Variants in SPTLC3 observed in about 807,000 individuals in gnomAD.
SPTLC3 encodes serine palmitoyltransferase 3.
In SPTLC3, 36 loss-of-function variants were observed where a neutral mutation model predicts 59.3. The observed-to-expected ratio is 0.61, with a 90% CI of 0.47 to 0.80. The LOEUF (loss-of-function observed/expected upper bound fraction) is 0.80, where lower values mean the gene tolerates loss of function less well. SPTLC3 is among the 30% of genes least tolerant of loss of function. SPTLC3 has a pLI of 0.00. For synonymous variants in SPTLC3, 257 were observed against 240.8 expected, an observed-to-expected ratio of 1.07 and a Z score of -0.62; for missense variants, 625 against 685.1, an observed-to-expected ratio of 0.91 and a Z score of 0.98.
At chr20:13,110,482 G>C (rs1332036617) in intron 7 of SPTLC3, among the ~76,000 whole-genome samples, 1 of 152,280 alleles carries the variant, frequency 6.6e-6, no homozygotes, top group African/African-American at 2.4e-5. Context: ...TTGCTAACTT[G>C]AGTTGATCTT....
chr20:13,045,819 G>A (rs996711356), intron 1 of SPTLC3, among the ~76,000 whole-genome samples: 14 of 152,042 alleles, frequency 9.2e-5, no homozygotes, highest in African/African-American at 3.4e-4. Flanking sequence ...CATCTAGGTA[G>A]ACCATCTGTG....
intron 11 of SPTLC3, chr20:13,164,534 A>T: frequency 1.7e-6 from 1 of 579,020 alleles, no homozygotes; most frequent in Admixed American, 2.9e-5. Context: ...CATTCATAGT[A>T]TGGAGTTAGA....
At chr20:13,153,833 G>T (rs560972091) in intron 9 of SPTLC3, among the ~76,000 whole-genome samples, 170 bp from the exon 10 acceptor site, 19 of 152,184 alleles carry the variant, frequency 1.2e-4, no homozygotes, top group Non-Finnish European at 2.5e-4. Flanking sequence ...TAGTACCTGG[G>T]CATCAGTGCC....
chr20:13,060,089 C>G (rs187827751), intron 2 of SPTLC3, among the ~76,000 whole-genome samples: 1 of 152,076 alleles, frequency 6.6e-6, no homozygotes, highest in East Asian at 1.9e-4. Context: ...CTATCAACTA[C>G]AGAAAAAAAA....
chr20:13,154,382 A>T (rs57093302), intron 10 of SPTLC3, among the ~76,000 whole-genome samples: 3,107 of 152,208 alleles, frequency 0.02, 92 homozygotes, highest in African/African-American at 0.071. Flanking sequence ...GAATTTAGGG[A>T]AATCACTTAT....
At chr20:13,089,938 CA>C (rs1430272406) in intron 4 of SPTLC3, among the ~76,000 whole-genome samples, 1 of 151,980 alleles carries the variant, frequency 6.6e-6, no homozygotes, top group African/African-American at 2.4e-5. Flanking sequence ...GTAATGCTAT[CA>C]AAAAATAAAT....
chr20:13,146,480 C>G (rs2038513174), intron 9 of SPTLC3, among the ~76,000 whole-genome samples: 2 of 152,286 alleles, frequency 1.3e-5, no homozygotes, highest in South Asian at 4.1e-4. Context: ...AGGCCCTCAG[C>G]TTCCCATATT....
At position 13,033,211 on chromosome 20, in the gene SPTLC3, A is replaced by G. The variant is rs940046721; in HGVS notation, c.118-15734A>G. ...AAGGTTAGAAAGGAAAGAATTTAAC[A>G]ATATTCTGATAGTATGTGTGTATTA... is the stretch of plus-strand genomic sequence containing the variant. On this transcript the variant is annotated intron_variant, in intron 1 of 11. Transcript: ENST00000399002. Among the ~76,000 whole-genome samples, 47 of 152,310 alleles carry G rather than the reference A, an allele frequency of 3.1e-4. 1 individual carries two copies. Among genetic ancestry groups the G allele is most frequent in the Admixed American group, 2.7e-3 (41 of 15,284 alleles).
chr20:13,085,614 G>T (rs1300408585), intron 4 of SPTLC3, among the ~76,000 whole-genome samples: 3 of 152,070 alleles, frequency 2.0e-5, no homozygotes, highest in Non-Finnish European at 4.4e-5. Flanking sequence ...TACAAAAGAA[G>T]AATTGGTAGT....
At chr20:13,050,027 C>T (rs959483545) in intron 2 of SPTLC3, 1 of 152,168 alleles carries the variant, frequency 6.6e-6, no homozygotes, top group Non-Finnish European at 1.5e-5. Flanking sequence ...AAACAAGGCT[C>T]TTCAACACCC....
chr20:13,111,613 C>T (rs953209127), intron 7 of SPTLC3, among the ~76,000 whole-genome samples: 2 of 152,180 alleles, frequency 1.3e-5, no homozygotes, highest in African/African-American at 4.8e-5. Flanking sequence ...CTGTCATAAC[C>T]TCAAGCATGG....
chr20:13,016,355 C>T (rs1376726804), intron 1 of SPTLC3, among the ~76,000 whole-genome samples: 1 of 152,088 alleles, frequency 6.6e-6, no homozygotes, highest in Non-Finnish European at 1.5e-5. Context: ...AATAGTAAAG[C>T]TAATAAATCA....
chr20:13,114,519 CA>C (rs1990425596), intron 7 of SPTLC3, among the ~76,000 whole-genome samples: 1 of 152,162 alleles, frequency 6.6e-6, no homozygotes, highest in Non-Finnish European at 1.5e-5. Context: ...AAAACAAATA[CA>C]TATATAAACA....
intron 6 of SPTLC3, among the ~76,000 whole-genome samples, chr20:13,105,460 C>A (rs1211484388): frequency 1.3e-5 from 2 of 152,138 alleles, no homozygotes; most frequent in Non-Finnish European, 2.9e-5. Flanking sequence ...CACAGCGCGG[C>A]CACCGAAAGT....
At position 13,090,944 on chromosome 20, in the gene SPTLC3, A is replaced by G. The variant is rs902411668; in HGVS notation, c.608-139A>G. The G allele has an allele frequency of 6.8e-6, 8 of 1,177,550 alleles. No homozygotes were observed. In the African/African-American group the frequency reaches 1.2e-4, roughly 18 times the overall value. 72.9% of individuals were successfully genotyped at this position (1,177,550 alleles called of 1,614,324 possible). A position where few individuals can be genotyped will look rare whatever the true frequency, so the allele number is the denominator to read the frequency against. ...AGTTGAATATTTGGGCTGTTTCTAG[A>G]TTAGGGCAATGGCAAATCTTCCTGC... On this transcript the variant is annotated intron_variant, in intron 4 of 11. Transcript: ENST00000399002.
chr20:13,026,472 A>G (rs1018013779), intron 1 of SPTLC3, among the ~76,000 whole-genome samples: 2 of 152,082 alleles, frequency 1.3e-5, no homozygotes, highest in Non-Finnish European at 2.9e-5. Flanking sequence ...CATTTCTCTA[A>G]TCAGTGATAT....
intron 1 of SPTLC3, among the ~76,000 whole-genome samples, chr20:13,032,333 T>A (rs1472294995): frequency 6.6e-6 from 1 of 152,048 alleles, no homozygotes; most frequent in East Asian, 1.9e-4. Context: ...CCAAGTGGGG[T>A]CCAGTTTACA....
At chr20:13,079,144 G>A (rs1988752462) in intron 4 of SPTLC3, among the ~76,000 whole-genome samples, 1 of 152,038 alleles carries the variant, frequency 6.6e-6, no homozygotes. Flanking sequence ...AAAAGACGGA[G>A]ATACCATATC....
chr20:13,126,506 G>A (rs6078934), intron 8 of SPTLC3, 85 bp from the exon 9 acceptor site: 1 of 1,511,608 alleles, frequency 6.6e-7, no homozygotes. Context: ...TTTGCTATGA[G>A]GATAGGGATG....
Sources: allele counts gnomAD v4.1 joint callset (sites outside exome capture counted in the v4.1 genomes callset), GRCh38; gene constraint gnomAD v4.1.1; transcripts MANE v1.5; gene names NCBI Gene and HGNC (gene_info 2026-07-23, HGNC 2026-07-21).